The following CYSTM1 variants were observed in gnomAD, a reference collection of about 807,000 sequenced individuals.
CYSTM1 encodes cysteine-rich transmembrane module-containing protein 1.
CYSTM1 carries 4 observed loss-of-function variants against 13.1 expected under a neutral mutation model. That is an observed-to-expected ratio of 0.31 (90% CI 0.15 to 0.70). The LOEUF (loss-of-function observed/expected upper bound fraction) is 0.70, where lower values mean the gene tolerates loss of function less well. CYSTM1 is among the 30% of genes least tolerant of loss of function. The pLI is 0.72. For synonymous variants in CYSTM1, 36 were observed against 42.7 expected (o/e 0.84, Z 0.62); for missense variants, 96 against 121.6 (o/e 0.79, Z 0.99).
At chr5:140,190,229 A>G (rs902696391) in intron 1 of CYSTM1, among the ~76,000 whole-genome samples, 4 of 152,218 alleles carry the variant, frequency 2.6e-5, no homozygotes, top group Non-Finnish European at 5.9e-5. Context: ...GCATAAATTT[A>G]AAACAACTGC....
intron 2 of CYSTM1, among the ~76,000 whole-genome samples, chr5:140,238,604 C>T (rs1296323099): frequency 6.6e-6 from 1 of 152,246 alleles, no homozygotes; most frequent in Non-Finnish European, 1.5e-5. Context: ...TGCCACTGCA[C>T]TTGCACATCC....
At position 140,238,160 on chromosome 5, in the gene CYSTM1, G is replaced by A. The variant is rs181218448; in HGVS notation, c.188-5145G>A. ...GAAAAGCCAGGCCAGAGCTGAAGCT[G>A]CAGGAAAAGGAGGCAGGAGGAGTAG... On this transcript the variant is annotated intron_variant, in intron 2 of 2. Coordinates refer to ENST00000261811, the MANE Select transcript of CYSTM1 (RefSeq NM_032412.4). 4.6e-5 allele frequency among the ~76,000 whole-genome samples: 7 copies of A among 152,274 alleles called. No homozygotes were observed. In the East Asian group the frequency reaches 1.4e-3, roughly 29 times the overall value.
At chr5:140,202,938 G>T (rs1764250234) in intron 2 of CYSTM1, 1 of 152,040 alleles carries the variant, frequency 6.6e-6, no homozygotes, top group African/African-American at 2.4e-5. Context: ...ATGGAACCTT[G>T]TAATTCTGGC....
intron 2 of CYSTM1, among the ~76,000 whole-genome samples, chr5:140,211,875 A>G (rs1290222028): frequency 1.3e-5 from 2 of 152,190 alleles, no homozygotes; most frequent in African/African-American, 2.4e-5. Context: ...TAGACCTGGG[A>G]GGCAGAGGTT....
chr5:140,218,104 A>G (rs1416643812), intron 2 of CYSTM1, among the ~76,000 whole-genome samples: 1 of 152,146 alleles, frequency 6.6e-6, no homozygotes, highest in Non-Finnish European at 1.5e-5. Flanking sequence ...GTGTGGTAAT[A>G]AGGATGGCTG....
Position 140,243,387 on chromosome 5 carries a change from C to T in CYSTM1, c.270C>T (p.Cys90=), listed in dbSNP as rs567830080. ...LTACWTALCC[C]CLWDMLT ...CCTGCTGGACGGCTCTCTGTTGCTG[C>T]TGTCTCTGGGACATGCTCACCTGAC... Residue 90 remains cysteine, a synonymous_variant, in exon 3 of 3, where the codon TGC becomes TGT. Coordinates refer to ENST00000261811, the MANE Select transcript of CYSTM1 (RefSeq NM_032412.4). The T allele has an allele frequency of 3.1e-6, 5 of 1,614,100 alleles. No individual in the cohort carries two copies. Among genetic ancestry groups the T allele is most frequent in the Non-Finnish European group, 4.2e-6 (5 of 1,179,996 alleles).
At chr5:140,188,535 T>C (rs1764050301) in intron 1 of CYSTM1, among the ~76,000 whole-genome samples, 1 of 152,218 alleles carries the variant, frequency 6.6e-6, no homozygotes, top group Non-Finnish European at 1.5e-5. Context: ...CTCACGCCTG[T>C]AATCCCAGCA....
In CYSTM1 at chr5:140,243,483, TTC is replaced by T; in HGVS notation, c.*74_*75del. On this transcript the variant is annotated 3_prime_UTR_variant, in exon 3 of 3. Coordinates refer to ENST00000261811, the MANE Select transcript of CYSTM1 (RefSeq NM_032412.4). ...TGACAGGTGTGCCTGCCCCCATCTCTTCTGATTGCTGTTAACAAATGACTAGC... is the reference window on the plus strand; with the variant it reads ...TGACAGGTGTGCCTGCCCCCATCTCTTGATTGCTGTTAACAAATGACTAGC... The T allele has an allele frequency of 7.8e-7, 1 of 1,289,474 alleles. No individual in the cohort carries two copies. Among genetic ancestry groups the T allele is most frequent in the Non-Finnish European group, 1.1e-6 (1 of 909,662 alleles). The allele number at this position is 1,289,474 out of a possible 1,614,324, so 79.9% of individuals were successfully genotyped here. A position where few individuals can be genotyped will look rare whatever the true frequency, so the allele number is the denominator to read the frequency against.
chr5:140,198,207 T>C (rs551977693), intron 2 of CYSTM1, among the ~76,000 whole-genome samples: 2 of 152,348 alleles, frequency 1.3e-5, no homozygotes, highest in African/African-American at 4.8e-5. Context: ...TCCCATGTTA[T>C]AGGAGTGGAA....
chr5:140,208,427 C>T (rs1368768752), intron 2 of CYSTM1, among the ~76,000 whole-genome samples: 2 of 152,106 alleles, frequency 1.3e-5, no homozygotes, highest in Admixed American at 6.6e-5. Flanking sequence ...GGATGGTAAC[C>T]AGAGGCTGGC....
intron 2 of CYSTM1, chr5:140,228,701 C>G (rs975837081): frequency 2.3e-5 from 9 of 398,980 alleles, no homozygotes; most frequent in Non-Finnish European, 4.0e-5. Flanking sequence ...TCTCTCTCTC[C>G]TCTGCCCGCC....
chr5:140,234,376 T>C, intron 2 of CYSTM1, among the ~76,000 whole-genome samples: 1 of 152,246 alleles, frequency 6.6e-6, no homozygotes, highest in East Asian at 1.9e-4. Flanking sequence ...ATCTTCATTT[T>C]AGTCATTTTA....
chr5:140,226,955 G>T (rs1171249256), intron 2 of CYSTM1, among the ~76,000 whole-genome samples: 1 of 152,180 alleles, frequency 6.6e-6, no homozygotes, highest in East Asian at 1.9e-4. Context: ...GAGGTGGAGA[G>T]CAGCAGTGTG....
chr5:140,221,817 T>G (rs1764495816), intron 2 of CYSTM1, among the ~76,000 whole-genome samples: 1 of 152,210 alleles, frequency 6.6e-6, no homozygotes, highest in Admixed American at 6.5e-5. Flanking sequence ...ACCATCTAAT[T>G]TTAGACTCCA....
intron 2 of CYSTM1, among the ~76,000 whole-genome samples, chr5:140,203,639 AAAATT>A (rs1764256581): frequency 1.3e-5 from 2 of 152,240 alleles, no homozygotes. Context: ...TTTAAAGTGA[AAAATT>A]AAACACTATA....
chr5:140,181,243 T>C (rs1401274360), intron 1 of CYSTM1, among the ~76,000 whole-genome samples: 3 of 152,180 alleles, frequency 2.0e-5, no homozygotes, highest in Non-Finnish European at 4.4e-5. Context: ...TGAGCCCTTA[T>C]TGTTAAGTCG....
At chr5:140,231,387 T>C (rs1396241432) in intron 2 of CYSTM1, among the ~76,000 whole-genome samples, 2 of 152,204 alleles carry the variant, frequency 1.3e-5, no homozygotes, top group Admixed American at 6.5e-5. Context: ...GTCTGTCCTA[T>C]GCATGCTCCA....
chr5:140,215,042 C>T (rs544451626), intron 2 of CYSTM1, among the ~76,000 whole-genome samples: 1 of 152,324 alleles, frequency 6.6e-6, no homozygotes, highest in East Asian at 1.9e-4. Context: ...CCCGTAGGCA[C>T]CTAGTGCAAT....
intron 2 of CYSTM1, among the ~76,000 whole-genome samples, chr5:140,225,120 T>G (rs909308285): frequency 1.3e-5 from 2 of 152,200 alleles, no homozygotes; most frequent in Admixed American, 1.3e-4. Context: ...AGTTTGACGC[T>G]GAGGTGAGTT....
Sources: gnomAD v4.1 joint callset for allele counts (sites outside exome capture counted in the v4.1 genomes callset) on GRCh38, gnomAD v4.1.1 for gene constraint, MANE v1.5 for transcripts, NCBI Gene and HGNC (gene_info 2026-07-23, HGNC 2026-07-21) for gene names.